NELL1: variants seen among roughly 807,000 people sequenced by gnomAD.
The protein encoded by NELL1 is protein kinase C-binding protein NELL1.
A neutral mutation model predicts 107.4 loss-of-function variants in NELL1; 76 were observed. The ratio of observed to expected loss-of-function variants is 0.71; its 90% confidence interval spans 0.59 to 0.86. The LOEUF is 0.86. Among genes scored for constraint, NELL1 ranks in the 40% least tolerant of loss-of-function variants. The pLI is 0.00. For missense variants in NELL1, 1,024 were observed against 1,005.5 expected (o/e 1.02, Z -0.25); for synonymous variants, 353 against 341.2 (o/e 1.03, Z -0.38).
At chr11:21,540,575 A>G (rs1591019667) in intron 16 of NELL1, among the ~76,000 whole-genome samples, 1 of 152,194 alleles carries the variant, frequency 6.6e-6, no homozygotes, top group South Asian at 2.1e-4. Flanking sequence ...ATGGCTGGGG[A>G]GGCCTCAGGA....
intron 15 of NELL1, among the ~76,000 whole-genome samples, chr11:21,409,680 A>G (rs923530912): frequency 6.6e-6 from 1 of 152,048 alleles, no homozygotes; most frequent in Non-Finnish European, 1.5e-5. Flanking sequence ...TTTTAACGTG[A>G]GTATAGATTT....
At chr11:20,978,305 G>A (rs755447120) in intron 12 of NELL1, among the ~76,000 whole-genome samples, 1 of 152,122 alleles carries the variant, frequency 6.6e-6, no homozygotes, top group Non-Finnish European at 1.5e-5. Context: ...TAGTCACCGC[G>A]AAGCTAGGTA....
intron 12 of NELL1, among the ~76,000 whole-genome samples, chr11:21,053,808 T>C (rs947840476): frequency 1.3e-5 from 2 of 152,194 alleles, no homozygotes; most frequent in Non-Finnish European, 2.9e-5. Flanking sequence ...TATGTGTCCA[T>C]GTTTACACTA....
At chr11:21,378,069 C>A (rs1346246322) in intron 15 of NELL1, among the ~76,000 whole-genome samples, 1 of 151,890 alleles carries the variant, frequency 6.6e-6, no homozygotes, top group African/African-American at 2.4e-5. Flanking sequence ...TACCTATCAC[C>A]TTAAACCTTT....
At chr11:21,288,485 G>C (rs1190394852) in intron 14 of NELL1, among the ~76,000 whole-genome samples, 2 of 152,114 alleles carry the variant, frequency 1.3e-5, no homozygotes, top group Non-Finnish European at 2.9e-5. Context: ...TTACAGATTT[G>C]TTTTGGTTAC....
chr11:20,977,683 G>A (rs929826635), intron 12 of NELL1, among the ~76,000 whole-genome samples: 2 of 152,164 alleles, frequency 1.3e-5, no homozygotes, highest in African/African-American at 2.4e-5. Context: ...TGGAGAGCAG[G>A]CTCCAAGATG....
chr11:20,707,613 G>T (rs1318392279), intron 2 of NELL1, among the ~76,000 whole-genome samples: 1 of 152,224 alleles, frequency 6.6e-6, no homozygotes, highest in African/African-American at 2.4e-5. Flanking sequence ...CTGCAGGTCT[G>T]TTGGAGTTTG....
chr11:20,710,416 A>C (rs560215066), intron 2 of NELL1, among the ~76,000 whole-genome samples: 54 of 152,320 alleles, frequency 3.5e-4, no homozygotes, highest in Non-Finnish European at 6.9e-4. Context: ...ATGGTGTGAT[A>C]TCTTTTTGAT....
chr11:21,054,355 A>G (rs933243509), intron 12 of NELL1, among the ~76,000 whole-genome samples: 3 of 152,252 alleles, frequency 2.0e-5, no homozygotes, highest in African/African-American at 7.2e-5. Flanking sequence ...TCTTTTATGT[A>G]CTATAGTTAT....
At chr11:21,185,997 G>C (rs16907631) in intron 13 of NELL1, among the ~76,000 whole-genome samples, 19 of 151,506 alleles carry the variant, frequency 1.3e-4, no homozygotes. Context: ...AGGCTCCTAA[G>C]GGCCAGGATG....
chr11:21,204,621 C>G (rs1169737455), intron 13 of NELL1, among the ~76,000 whole-genome samples: 1 of 151,988 alleles, frequency 6.6e-6, no homozygotes, highest in African/African-American at 2.4e-5. Flanking sequence ...CTGAATTTGT[C>G]AAACTCATTC....
At chr11:21,068,880 T>G (rs7948905) in intron 12 of NELL1, among the ~76,000 whole-genome samples, 79,018 of 151,914 alleles carry the variant, frequency 0.52, 20,566 homozygotes, top group East Asian at 0.62. Flanking sequence ...ATTAAATAAA[T>G]GAGGCTTTCG....
chr11:21,187,811 GAC>G lies in NELL1; in HGVS notation c.1427-41517_1427-41516del, dbSNP rs369754352. Among the ~76,000 whole-genome samples the G allele has an allele frequency of 3.6e-3, 545 of 151,930 alleles. 25 individuals are homozygous for G. Among genetic ancestry groups the G allele is most frequent in the African/African-American group, 0.012 (510 of 41,232 alleles). ...GAGGACCTGAAAGAGGACATGAATTGACACAGATTATAGACTTTTAGAGCAGC... is the reference window on the plus strand; with the variant it reads ...GAGGACCTGAAAGAGGACATGAATTGACAGATTATAGACTTTTAGAGCAGC... On this transcript the variant is annotated intron_variant, in intron 13 of 19. Coordinates refer to ENST00000357134, the MANE Select transcript of NELL1 (RefSeq NM_006157.5).
In NELL1 at chr11:21,328,400, C is replaced by T. The variant is rs199630112; in HGVS notation, c.1550-42453C>T. Among the ~76,000 whole-genome samples the T allele has an allele frequency of 1.1e-4, 17 of 152,212 alleles. No individual in the cohort carries two copies. In the East Asian group the frequency reaches 1.2e-3, roughly 10 times the overall value. On this transcript the variant is annotated intron_variant, in intron 14 of 19. Transcript: ENST00000357134. ...TCAAGAATTGAGGTTTGGGAACTTC[C>T]GCCTAGATTTCAGAGGATGTATGGA... is the stretch of plus-strand genomic sequence containing the variant.
intron 10 of NELL1, among the ~76,000 whole-genome samples, chr11:20,940,786 G>T (rs1036433117): frequency 2.6e-5 from 4 of 152,182 alleles, no homozygotes; most frequent in African/African-American, 9.7e-5. Flanking sequence ...AGGTAGACAG[G>T]CATCTTTGGA....
chr11:21,064,373 A>G (rs1853817578), intron 12 of NELL1, among the ~76,000 whole-genome samples: 2 of 152,228 alleles, frequency 1.3e-5, no homozygotes, highest in South Asian at 4.1e-4. Flanking sequence ...GTCATTTTCC[A>G]GGAGCGAGAT....
chr11:21,425,748 T>C (rs933047212), intron 15 of NELL1, among the ~76,000 whole-genome samples: 16 of 152,146 alleles, frequency 1.1e-4, no homozygotes, highest in African/African-American at 3.9e-4. Flanking sequence ...TACAAAACAA[T>C]AGAAAACTAA....
rs544747637 is a variant in NELL1 at position 21,439,272 on chromosome 11, A to G, written c.1645+68324A>G. Among the ~76,000 whole-genome samples the G allele has an allele frequency of 3.3e-5, 5 of 152,328 alleles. No individual in the cohort carries two copies. In the South Asian group the frequency reaches 1.0e-3, roughly 32 times the overall value. ...AAACTTCCAGTCTTCAGTTATACAG[A>G]TAGAATCCAAATCTTGGATGTTATA... On this transcript the variant is annotated intron_variant, in intron 15 of 19. Transcript: ENST00000357134.
Position 21,302,907 on chromosome 11 carries a change from A to G in NELL1, c.1550-67946A>G, listed in dbSNP as rs79252693. 1.6e-3 allele frequency among the ~76,000 whole-genome samples: 243 copies of G among 151,964 alleles called. 1 individual carries two copies. The East Asian group carries it at 0.018, about 11-fold the overall frequency. On this transcript the variant is annotated intron_variant, in intron 14 of 19. Coordinates refer to ENST00000357134, the MANE Select transcript of NELL1 (RefSeq NM_006157.5). ...CCTATCTCTACAAAAAAATTAAAAA[A>G]AAAAATAGCTTGGCATGGCAGCACA...
Sources: gnomAD v4.1 joint callset for allele counts (sites outside exome capture counted in the v4.1 genomes callset) on GRCh38, gnomAD v4.1.1 for gene constraint, MANE v1.5 for transcripts, NCBI Gene and HGNC (gene_info 2026-07-23, HGNC 2026-07-21) for gene names.